Variants in FHIT observed in about 807,000 individuals in gnomAD.
The protein encoded by FHIT is bis(5'-adenosyl)-triphosphatase.
In FHIT, 19 loss-of-function variants were observed where a neutral mutation model predicts 17.9. The ratio of observed to expected loss-of-function variants is 1.06; its 90% CI spans 0.74 to 1.56. The LOEUF (loss-of-function observed/expected upper bound fraction) is 1.56, where lower values mean the gene tolerates loss of function less well. Among genes scored for constraint, FHIT ranks in the 40% most tolerant of loss-of-function variants. The probability of loss-of-function intolerance (pLI) is 0.00; values close to 1 mark genes in which losing one functional copy is unlikely to be tolerated. For missense variants in FHIT, 248 were observed against 189.2 expected, an observed-to-expected ratio of 1.31 and a Z score of -1.82; for synonymous variants, 81 against 69.7, an observed-to-expected ratio of 1.16 and a Z score of -0.81.
At chr3:60,809,930 C>T (rs1314456565) in intron 4 of FHIT, among the ~76,000 whole-genome samples, 2 of 152,138 alleles carry the variant, frequency 1.3e-5, no homozygotes, top group African/African-American at 4.8e-5. Flanking sequence ...TCTGTATGGG[C>T]ATTGGTATTT....
rs1449017328 is a variant in FHIT, at chr3:60,715,768, T to C, written c.-18+106151A>G. On this transcript the variant is annotated intron_variant, in intron 4 of 9. Transcript: ENST00000492590. Reference sequence around the variant, plus strand: ...CTCATGTACCCTAAAACTTAAAGTATAATAATAATAAAAAACAAAACAAAA... The same window carrying C: ...CTCATGTACCCTAAAACTTAAAGTACAATAATAATAAAAAACAAAACAAAA... Among the ~76,000 whole-genome samples, 3 of 152,106 alleles carry C rather than the reference T, an allele frequency of 2.0e-5. No homozygotes were observed. In the East Asian group the frequency reaches 5.8e-4, roughly 29 times the overall value.
chr3:59,817,730 G>C (rs910805898), intron 8 of FHIT, among the ~76,000 whole-genome samples: 2 of 151,968 alleles, frequency 1.3e-5, no homozygotes, highest in East Asian at 3.9e-4. Context: ...AGTCAAGTCA[G>C]TTTCACCTGT....
chr3:60,960,777 G>A (rs1399161198), intron 3 of FHIT, among the ~76,000 whole-genome samples: 1 of 152,118 alleles, frequency 6.6e-6, no homozygotes, highest in Non-Finnish European at 1.5e-5. Context: ...CATTTTTATG[G>A]CTGCATAGTA....
chr3:61,010,294 A>G (rs1475985327), intron 3 of FHIT, among the ~76,000 whole-genome samples: 1 of 152,168 alleles, frequency 6.6e-6, no homozygotes, highest in Non-Finnish European at 1.5e-5. Context: ...CATTTAACTC[A>G]ACTGATCCAA....
chr3:60,520,383 G>A (rs2035312913), intron 5 of FHIT, among the ~76,000 whole-genome samples: 1 of 152,068 alleles, frequency 6.6e-6, no homozygotes, highest in Non-Finnish European at 1.5e-5. Context: ...CATTTCAGTA[G>A]TATCAGAACT....
chr3:59,977,039 T>C (rs1708445394), intron 7 of FHIT, among the ~76,000 whole-genome samples: 2 of 152,042 alleles, frequency 1.3e-5, no homozygotes, highest in African/African-American at 4.8e-5. Flanking sequence ...TGAAAACTGG[T>C]GAAATTATCT....
intron 5 of FHIT, among the ~76,000 whole-genome samples, chr3:60,503,338 T>A (rs17080828): frequency 6.6e-6 from 1 of 152,098 alleles, no homozygotes; most frequent in South Asian, 2.1e-4. Context: ...CATGTGAAAT[T>A]TTATTGTATG....
intron 2 of FHIT, among the ~76,000 whole-genome samples, chr3:61,150,479 C>G (rs1276681419): frequency 6.6e-6 from 1 of 152,010 alleles, no homozygotes; most frequent in South Asian, 2.1e-4. Context: ...CCATTTAACT[C>G]ATATTTTCTG....
rs781822334 is a variant in FHIT at position 60,583,067 on chromosome 3, C to T, written c.-17-46088G>A. On this transcript the variant is annotated intron_variant, in intron 4 of 9. Transcript: ENST00000492590. ...CGTAAGACAAGCGTCTAAATCAGAA[C>T]ATGTCAACACAAGAAAACAGGAGGA... is the stretch of plus-strand genomic sequence containing the variant. Among the ~76,000 whole-genome samples, 4 of 151,760 alleles carry T rather than the reference C, an allele frequency of 2.6e-5. 1 individual carries two copies. Among genetic ancestry groups the T allele is most frequent in the South Asian group, 4.2e-4 (2 of 4,812 alleles).
At chr3:60,748,570 G>C (rs1382447017) in intron 4 of FHIT, among the ~76,000 whole-genome samples, 2 of 152,160 alleles carry the variant, frequency 1.3e-5, no homozygotes, top group African/African-American at 4.8e-5. Context: ...CCAGCACTTT[G>C]GGAGGCCGAG....
chr3:60,311,992 T>G (rs1708969542), intron 5 of FHIT, among the ~76,000 whole-genome samples: 1 of 152,136 alleles, frequency 6.6e-6, no homozygotes, highest in African/African-American at 2.4e-5. Flanking sequence ...AATTATAAAA[T>G]CAATTTAGTG....
In FHIT at chr3:60,158,373, G is replaced by A. The variant is rs545903906; in HGVS notation, c.104-144221C>T. On this transcript the variant is annotated intron_variant, in intron 5 of 9. Coordinates refer to ENST00000492590, the MANE Select transcript of FHIT (RefSeq NM_002012.4). Reference sequence around the variant, plus strand: ...TCTGCCCAGTCTGGAGTGCAATGGCGCAATCTCTGTGCACTGCAACCTCCG... The same window carrying A: ...TCTGCCCAGTCTGGAGTGCAATGGCACAATCTCTGTGCACTGCAACCTCCG... Among the ~76,000 whole-genome samples, 148 of 151,546 alleles carry A rather than the reference G, an allele frequency of 9.8e-4. 8 individuals carry two copies. The highest frequency in any genetic ancestry group is 4.2e-4 in the South Asian group (2 of 4,790).
chr3:61,098,178 T>C (rs1310514367), intron 2 of FHIT, among the ~76,000 whole-genome samples: 1 of 152,204 alleles, frequency 6.6e-6, no homozygotes, highest in Non-Finnish European at 1.5e-5. Context: ...GCTAGCAGCT[T>C]AACCCAGTAC....
At chr3:60,885,074 T>G (rs781852606) in intron 3 of FHIT, among the ~76,000 whole-genome samples, 85 of 152,028 alleles carry the variant, frequency 5.6e-4, no homozygotes, top group Non-Finnish European at 9.7e-4. Context: ...GAAGAGAGGT[T>G]GGTTAATAGA....
In FHIT at chr3:61,036,910, T is replaced by TG. The variant is rs998496853; in HGVS notation, c.-111+5136_-111+5137insC. 9.7e-4 allele frequency among the ~76,000 whole-genome samples: 127 copies of TG among 130,938 alleles called. 2 individuals are homozygous for TG. The highest frequency in any genetic ancestry group is 1.3e-3 in the Non-Finnish European group (79 of 61,230). The allele number at this position is 130,938 out of a possible 152,430, so 85.9% of individuals were successfully genotyped here. The stretch of plus-strand genomic sequence containing the variant: ...AAGATCAGTCTGCTTTGTTTTTTTT[T>TG]TTTGTTTGTTTGTTTTTTTGAGATG... On this transcript the variant is annotated intron_variant, in intron 3 of 9. Coordinates refer to ENST00000492590, the MANE Select transcript of FHIT (RefSeq NM_002012.4).
intron 8 of FHIT, among the ~76,000 whole-genome samples, chr3:59,915,360 C>G (rs1705082635): frequency 6.6e-6 from 1 of 152,158 alleles, no homozygotes; most frequent in Admixed American, 6.5e-5. Flanking sequence ...TTTCTTATTT[C>G]TCACTAACAT....
At chr3:59,794,189 G>C (rs941759091) in intron 8 of FHIT, among the ~76,000 whole-genome samples, 3 of 152,154 alleles carry the variant, frequency 2.0e-5, no homozygotes, top group East Asian at 1.9e-4. Context: ...CAATTCTCTA[G>C]AACGTACCGT....
intron 3 of FHIT, among the ~76,000 whole-genome samples, chr3:61,039,776 C>A (rs932126496): frequency 6.6e-6 from 1 of 151,992 alleles, no homozygotes; most frequent in African/African-American, 2.4e-5. Flanking sequence ...GGGTGTAGCA[C>A]CCACCATGGC....
intron 5 of FHIT, among the ~76,000 whole-genome samples, chr3:60,249,147 T>C (rs1559760467): frequency 6.6e-6 from 1 of 152,260 alleles, no homozygotes; most frequent in East Asian, 1.9e-4. Context: ...TCAGTTTAAT[T>C]CTCAGGCCCA....
Sources: allele counts gnomAD v4.1 joint callset (sites outside exome capture counted in the v4.1 genomes callset), GRCh38; gene constraint gnomAD v4.1.1; transcripts MANE v1.5; gene names NCBI Gene and HGNC (gene_info 2026-07-23, HGNC 2026-07-21).